GLUD1: variants seen among roughly 807,000 people sequenced by gnomAD.
GLUD1 encodes glutamate dehydrogenase 1.
Under a neutral mutation model 56.0 loss-of-function variants are expected in GLUD1, and 22 were observed. That is an observed-to-expected ratio of 0.39 (90% CI 0.28 to 0.56). The LOEUF (loss-of-function observed/expected upper bound fraction) is 0.56, where lower values mean the gene tolerates loss of function less well. Ranked by LOEUF, GLUD1 falls within the 20% of genes least tolerant of loss-of-function variation. The probability of loss-of-function intolerance (pLI) is 0.58; values close to 1 mark genes in which losing one functional copy is unlikely to be tolerated. For missense variants in GLUD1, 451 were observed against 732.0 expected, an observed-to-expected ratio of 0.62 and a Z score of 4.43; for synonymous variants, 223 against 269.9, an observed-to-expected ratio of 0.83 and a Z score of 1.70.
intron 11 of GLUD1, among the ~76,000 whole-genome samples, chr10:87,057,007 C>T (rs529439225): frequency 4.8e-5 from 7 of 147,138 alleles, no homozygotes; most frequent in South Asian, 2.3e-4. Context: ...GTGGCGGCGG[C>T]GGGAACGGAG....
At chr10:87,053,437 CCA>C (rs1477620574) in intron 11 of GLUD1, 33 bp from the exon 12 acceptor site, 3 of 1,301,012 alleles carry the variant, frequency 2.3e-6, no homozygotes. Flanking sequence ...TTTAACAAAA[CCA>C]CAAAGACCTG....
rs1052614174 is a variant in GLUD1, at chr10:87,067,717, T to C, written c.741+346A>G. Reference sequence around the variant, plus strand: ...TAATCTCCACTGTTGTATTACATTATTTCCATACCTTATCTGCTTATGCAC... The same window carrying C: ...TAATCTCCACTGTTGTATTACATTACTTCCATACCTTATCTGCTTATGCAC... On this transcript the variant is annotated intron_variant, in intron 5 of 12. Transcript: ENST00000277865. 6.8e-5 allele frequency: 20 copies of C among 294,238 alleles called. 1 individual carries two copies. In the South Asian group the frequency reaches 7.1e-4, roughly 10 times the overall value. 18.2% of individuals were successfully genotyped at this position (294,238 alleles called of 1,614,324 possible). A position where few individuals can be genotyped will look rare whatever the true frequency, so the allele number is the denominator to read the frequency against.
intron 11 of GLUD1, 35 bp from the exon 12 acceptor site, chr10:87,053,439 A>G (rs1170667836): frequency 1.5e-6 from 2 of 1,303,668 alleles, no homozygotes; most frequent in Non-Finnish European, 2.2e-6. Context: ...TAACAAAACC[A>G]CAAAGACCTG....
chr10:87,086,663 A>T lies in GLUD1; in HGVS notation c.445+7662T>A, dbSNP rs1841389398. 2.6e-5 allele frequency among the ~76,000 whole-genome samples: 4 copies of T among 151,092 alleles called. 1 individual carries two copies. In the South Asian group the frequency reaches 8.4e-4, roughly 32 times the overall value. On this transcript the variant is annotated intron_variant, in intron 1 of 12. Transcript: ENST00000277865. Reference sequence around the variant, plus strand: ...ATGGTGAAACCCCGTCTCCACTAAAAATACAAAAAAAAAAAAAAATTAGCC... The same window carrying T: ...ATGGTGAAACCCCGTCTCCACTAAATATACAAAAAAAAAAAAAAATTAGCC...
intron 4 of GLUD1, among the ~76,000 whole-genome samples, chr10:87,070,718 A>G (rs1008291451): frequency 3.9e-5 from 6 of 152,086 alleles, no homozygotes; most frequent in Admixed American, 6.5e-5. Context: ...AAAACAGTCT[A>G]TACATGCTAA....
chr10:87,075,402 A>C (rs547748619), intron 3 of GLUD1, among the ~76,000 whole-genome samples: 2 of 152,364 alleles, frequency 1.3e-5, no homozygotes, highest in East Asian at 3.9e-4. Flanking sequence ...AAAAGCAAAA[A>C]AGTAAAACAA....
At chr10:87,067,280 C>A (rs971757705) in intron 5 of GLUD1, among the ~76,000 whole-genome samples, 2 of 152,186 alleles carry the variant, frequency 1.3e-5, no homozygotes, top group Admixed American at 1.3e-4. Context: ...ACTCTATTGC[C>A]CAGGCTGGAG....
chr10:87,058,194 G>A (rs1305225025), intron 10 of GLUD1, among the ~76,000 whole-genome samples: 1 of 152,106 alleles, frequency 6.6e-6, no homozygotes, highest in Non-Finnish European at 1.5e-5. Context: ...TGACATAAAA[G>A]GGTTAATCAT....
rs532090382 is a variant in GLUD1, at chr10:87,080,881, G to A, written c.446-4225C>T. 5.8e-4 allele frequency among the ~76,000 whole-genome samples: 78 copies of A among 133,978 alleles called. 1 individual carries two copies. The South Asian group carries it at 9.0e-3, about 15-fold the overall frequency. The allele number at this position is 133,978 out of a possible 152,430, so 87.9% of individuals were successfully genotyped here. A position where few individuals can be genotyped will look rare whatever the true frequency, so the allele number is the denominator to read the frequency against. Reference sequence around the variant, plus strand: ...AGCCCCCCGCCCGGCCAGCCGCCCCGTCCGGGAGGTGAGGGGCGCCTCTGC... The same window carrying A: ...AGCCCCCCGCCCGGCCAGCCGCCCCATCCGGGAGGTGAGGGGCGCCTCTGC... On this transcript the variant is annotated intron_variant, in intron 1 of 12. Coordinates refer to ENST00000277865, the MANE Select transcript of GLUD1 (RefSeq NM_005271.5).
At chr10:87,052,447 C>T (rs1267323732) in intron 12 of GLUD1, among the ~76,000 whole-genome samples, 1 of 151,960 alleles carries the variant, frequency 6.6e-6, no homozygotes, top group African/African-American at 2.4e-5. Flanking sequence ...GAGATTGCAC[C>T]ATTGCACTCC....
intron 1 of GLUD1, among the ~76,000 whole-genome samples, chr10:87,080,798 G>A (rs1269358701): frequency 6.6e-6 from 1 of 151,764 alleles, no homozygotes; most frequent in East Asian, 2.0e-4. Flanking sequence ...CCCCATCTGG[G>A]AAGTGAGGAG....
At chr10:87,076,329 G>A (rs988762798) in intron 2 of GLUD1, among the ~76,000 whole-genome samples, 2 of 151,856 alleles carry the variant, frequency 1.3e-5, no homozygotes, top group African/African-American at 2.4e-5. Flanking sequence ...AGAATGTGTT[G>A]AGGAATTGAA....
At chr10:87,060,082 C>T (rs887616322) in intron 9 of GLUD1, 79 bp downstream of exon 9, 5 of 927,212 alleles carry the variant, frequency 5.4e-6, no homozygotes, top group Non-Finnish European at 9.0e-6. Context: ...CTAATAATTC[C>T]TCTCTTCCTC....
At chr10:87,079,265 T>C (rs1331754612) in intron 1 of GLUD1, among the ~76,000 whole-genome samples, 1 of 149,930 alleles carries the variant, frequency 6.7e-6, no homozygotes, top group African/African-American at 2.4e-5. Context: ...ATGAATCATT[T>C]GTATCTTAAA....
chr10:87,078,053 C>A (rs1192796166), intron 1 of GLUD1, among the ~76,000 whole-genome samples: 1 of 152,122 alleles, frequency 6.6e-6, no homozygotes, highest in African/African-American at 2.4e-5. Flanking sequence ...AAACATCAAC[C>A]TTAATATTGA....
At position 87,094,263 on chromosome 10, in the gene GLUD1, G is replaced by A. The variant is rs2133873421; in HGVS notation, c.445+62C>T. ...GAGCAGCGGCCCCGCACCGGCAGGAGGCCGGAGGGGAGGGCCGCAGGGGAG... is the reference window on the plus strand; with the variant it reads ...GAGCAGCGGCCCCGCACCGGCAGGAAGCCGGAGGGGAGGGCCGCAGGGGAG... On this transcript the variant is annotated intron_variant, in intron 1 of 12. Transcript: ENST00000277865. The surrounding 1 kb of genome is among the most constrained non-coding windows in gnomAD (Gnocchi z 6.6). The A allele has an allele frequency of 3.3e-6, 5 of 1,534,774 alleles. No homozygotes were observed. Among genetic ancestry groups the A allele is most frequent in the East Asian group, 2.4e-5 (1 of 40,880 alleles).
rs539476930 is a variant in GLUD1 at position 87,071,728 on chromosome 10, G to A, written c.646+2823C>T. On this transcript the variant is annotated intron_variant, in intron 4 of 12. Coordinates refer to ENST00000277865, the MANE Select transcript of GLUD1 (RefSeq NM_005271.5). ...AAAAGCTTTTCCAAAAGCAGAAGAG[G>A]AAGGAACACTCCTCAACTCATTCCA... Among the ~76,000 whole-genome samples, 66 of 152,284 alleles carry A rather than the reference G, an allele frequency of 4.3e-4. No individual in the cohort carries two copies. The South Asian group carries it at 0.013, about 31-fold the overall frequency.
rs544795948 is a variant in GLUD1, at chr10:87,094,786, G to A, written c.-17C>T. 1 of 1,526,892 alleles carries A rather than the reference G, an allele frequency of 6.5e-7. No homozygotes were observed. 94.6% of individuals were successfully genotyped at this position (1,526,892 alleles called of 1,614,324 possible). The stretch of plus-strand genomic sequence containing the variant: ...GCGGTACATGGCCACAAGCGGAGGG[G>A]AGGTGCGTGATGGTCGCGAAACAGG... On this transcript the variant is annotated 5_prime_UTR_variant, in exon 1 of 13. Coordinates refer to ENST00000277865, the MANE Select transcript of GLUD1 (RefSeq NM_005271.5). The surrounding 1 kb of genome is among the most constrained non-coding windows in gnomAD (Gnocchi z 6.6).
At chr10:87,084,189 A>G (rs1352357326) in intron 1 of GLUD1, among the ~76,000 whole-genome samples, 1 of 152,258 alleles carries the variant, frequency 6.6e-6, no homozygotes, top group African/African-American at 2.4e-5. Flanking sequence ...TGACGTATGT[A>G]CTACAATGGG....
Sources: gnomAD v4.1 joint callset for allele counts (sites outside exome capture counted in the v4.1 genomes callset) on GRCh38, gnomAD v4.1.1 for gene constraint, Gnocchi (gnomAD v3.1) non-coding constraint, MANE v1.5 for transcripts, NCBI Gene and HGNC (gene_info 2026-07-23, HGNC 2026-07-21) for gene names.